The following NKAIN3 variants were observed in gnomAD, a reference collection of about 807,000 sequenced individuals.
The protein encoded by NKAIN3 is sodium/potassium-transporting ATPase subunit beta-1-interacting protein 3.
In NKAIN3, 25 loss-of-function variants were observed where a neutral mutation model predicts 30.2. That is an observed-to-expected ratio of 0.83 (90% confidence interval 0.60 to 1.16). The LOEUF is 1.16. Ranked by LOEUF, NKAIN3 falls within the 50% of genes most tolerant of loss-of-function variation. The pLI, the probability that NKAIN3 is intolerant of heterozygous loss-of-function variation, is 0.00. For missense variants in NKAIN3, 225 were observed against 254.1 expected (o/e 0.89, Z 0.78); for synonymous variants, 91 against 89.6 (o/e 1.02, Z -0.09).
chr8:62,453,523 C>A (rs1428575941), intron 1 of NKAIN3, among the ~76,000 whole-genome samples: 1 of 151,794 alleles, frequency 6.6e-6, no homozygotes. Flanking sequence ...AGAAAATAAT[C>A]AAAACTAGAG....
At chr8:62,708,166 C>G (rs1261849316) in intron 3 of NKAIN3, among the ~76,000 whole-genome samples, 2 of 152,092 alleles carry the variant, frequency 1.3e-5, no homozygotes, top group Non-Finnish European at 2.9e-5. Flanking sequence ...TGTGATGCCT[C>G]CAGATTTGTT....
chr8:62,816,621 G>A lies in NKAIN3; in HGVS notation c.471+69492G>A, dbSNP rs140351073. Among the ~76,000 whole-genome samples the A allele has an allele frequency of 1.8e-4, 27 of 152,218 alleles. 1 individual carries two copies. In the South Asian group the frequency reaches 3.3e-3, roughly 19 times the overall value. On this transcript the variant is annotated intron_variant, in intron 4 of 6. Coordinates refer to ENST00000623646, the MANE Select transcript of NKAIN3 (RefSeq NM_001304533.3). ...CCCCACTATGCTGGATCACTTGTGC[G>A]ATCAGGGTGTAGAGTGCTATGTGGG...
chr8:62,868,015 C>T (rs932201829), intron 4 of NKAIN3, among the ~76,000 whole-genome samples: 4 of 152,206 alleles, frequency 2.6e-5, no homozygotes, highest in Non-Finnish European at 5.9e-5. Flanking sequence ...ATTAAACTGA[C>T]AGGAAACCTT....
chr8:62,478,634 A>G (rs1806597938), intron 1 of NKAIN3, among the ~76,000 whole-genome samples: 1 of 152,202 alleles, frequency 6.6e-6, no homozygotes, highest in Admixed American at 6.5e-5. Flanking sequence ...ATCAATATAA[A>G]TAAAGTAATA....
At chr8:62,592,781 C>A (rs1810693728) in intron 3 of NKAIN3, among the ~76,000 whole-genome samples, 1 of 151,654 alleles carries the variant, frequency 6.6e-6, no homozygotes, top group Non-Finnish European at 1.5e-5. Flanking sequence ...AAACGATAAT[C>A]AGAAGAAAAC....
chr8:62,470,782 C>T (rs1324032074), intron 1 of NKAIN3, among the ~76,000 whole-genome samples: 1 of 151,848 alleles, frequency 6.6e-6, no homozygotes, highest in Non-Finnish European at 1.5e-5. Flanking sequence ...TACTCTCTCA[C>T]ATACAAAAAA....
At chr8:62,818,184 C>T (rs1313906986) in intron 4 of NKAIN3, among the ~76,000 whole-genome samples, 2 of 152,012 alleles carry the variant, frequency 1.3e-5, no homozygotes, top group African/African-American at 4.8e-5. Flanking sequence ...TAGTATTGTA[C>T]CAATATCAAT....
At chr8:62,769,268 G>T (rs370008989) in intron 4 of NKAIN3, among the ~76,000 whole-genome samples, 3 of 152,256 alleles carry the variant, frequency 2.0e-5, no homozygotes, top group East Asian at 3.9e-4. Flanking sequence ...GAGCATCTAG[G>T]ATTTGTGGAT....
chr8:62,307,533 AAGAG>A (rs1234817444), intron 1 of NKAIN3, among the ~76,000 whole-genome samples: 3 of 150,510 alleles, frequency 2.0e-5, no homozygotes, highest in African/African-American at 7.5e-5. Context: ...TGTAGGAAGA[AAGAG>A]AGACACAAAT....
chr8:62,755,187 AG>A (rs1382985421), intron 4 of NKAIN3, among the ~76,000 whole-genome samples: 1 of 152,202 alleles, frequency 6.6e-6, no homozygotes. Context: ...AATGTGCCCA[AG>A]ATCCCACAGC....
intron 4 of NKAIN3, among the ~76,000 whole-genome samples, chr8:62,764,196 GCT>G (rs1475320214): frequency 6.6e-6 from 1 of 152,206 alleles, no homozygotes; most frequent in Non-Finnish European, 1.5e-5. Flanking sequence ...TGATGTTCCT[GCT>G]CTGTCAGCTA....
intron 1 of NKAIN3, among the ~76,000 whole-genome samples, chr8:62,492,489 TTTC>T (rs1807101697): frequency 6.6e-6 from 1 of 152,128 alleles, no homozygotes; most frequent in South Asian, 2.1e-4. Context: ...ATTGAATTGT[TTTC>T]TTCTTTATGT....
intron 2 of NKAIN3, among the ~76,000 whole-genome samples, chr8:62,581,189 A>G (rs1810282998): frequency 6.6e-6 from 1 of 151,974 alleles, no homozygotes; most frequent in Non-Finnish European, 1.5e-5. Flanking sequence ...AGCCTCTGCT[A>G]AGTAACTACA....
intron 1 of NKAIN3, among the ~76,000 whole-genome samples, chr8:62,430,450 T>C (rs1182362154): frequency 6.6e-6 from 1 of 151,300 alleles, no homozygotes; most frequent in Non-Finnish European, 1.5e-5. Flanking sequence ...ATTTTGGATA[T>C]GTATCCAGAA....
At chr8:62,319,374 C>G (rs1215377484) in intron 1 of NKAIN3, among the ~76,000 whole-genome samples, 1 of 152,092 alleles carries the variant, frequency 6.6e-6, no homozygotes, top group Non-Finnish European at 1.5e-5. Flanking sequence ...CTTCTGGTAG[C>G]TTTTGAATGT....
At chr8:62,998,362 AC>A (rs1233667638) in intron 5 of NKAIN3, among the ~76,000 whole-genome samples, 1 of 150,904 alleles carries the variant, frequency 6.6e-6, no homozygotes, top group Non-Finnish European at 1.5e-5. Context: ...TGAAACCTCC[AC>A]CCCCTGGGTT....
chr8:62,276,876 C>G lies in NKAIN3; in HGVS notation c.54+27749C>G, dbSNP rs1021210996. Among the ~76,000 whole-genome samples, 3 of 152,182 alleles carry G rather than the reference C, an allele frequency of 2.0e-5. No individual in the cohort carries two copies. In the South Asian group the frequency reaches 6.2e-4, roughly 32 times the overall value. On this transcript the variant is annotated intron_variant, in intron 1 of 6. Coordinates refer to ENST00000623646, the MANE Select transcript of NKAIN3 (RefSeq NM_001304533.3). ...TTTTTAGAATACAACTGTGATTTCTCTGCTTCATTTTCAGTGGTGAATAAA... is the reference window on the plus strand; with the variant it reads ...TTTTTAGAATACAACTGTGATTTCTGTGCTTCATTTTCAGTGGTGAATAAA...
At chr8:62,263,903 A>C (rs1486922964) in intron 1 of NKAIN3, among the ~76,000 whole-genome samples, 1 of 152,208 alleles carries the variant, frequency 6.6e-6, no homozygotes, top group Non-Finnish European at 1.5e-5. Context: ...GAAAGTCCTG[A>C]GTACGAAGAT....
Position 62,965,957 on chromosome 8 carries a change from T to C in NKAIN3, c.*550T>C, listed in dbSNP as rs148256286. On this transcript the variant is annotated 3_prime_UTR_variant, in exon 7 of 7. Transcript: ENST00000623646. ...CATAAAACAAAACATGGAGTCCTCC[T>C]TTGTTCCTGACTTCTTAAAACCCAG... The C allele has an allele frequency of 1.6e-4, 158 of 984,976 alleles. No homozygotes were observed. Among genetic ancestry groups the C allele is most frequent in the Non-Finnish European group, 1.9e-4 (154 of 829,518 alleles). 61.0% of individuals were successfully genotyped at this position (984,976 alleles called of 1,614,324 possible).
Sources: gnomAD v4.1 joint callset for allele counts (sites outside exome capture counted in the v4.1 genomes callset) on GRCh38, gnomAD v4.1.1 for gene constraint, MANE v1.5 for transcripts, NCBI Gene and HGNC (gene_info 2026-07-23, HGNC 2026-07-21) for gene names.